The following EPS15L1 variants were observed in gnomAD, a reference collection of about 807,000 sequenced individuals.
EPS15L1 encodes epidermal growth factor receptor pathway substrate 15 like 1.
In EPS15L1, 43 loss-of-function variants were observed where a neutral mutation model predicts 117.1. The observed-to-expected ratio is 0.37, with a 90% CI of 0.29 to 0.47. EPS15L1 has a LOEUF of 0.47. Among genes scored for constraint, EPS15L1 ranks in the 20% least tolerant of loss-of-function variants. EPS15L1 has a pLI of 0.99. For missense variants in EPS15L1, 981 were observed against 1,164.0 expected (o/e 0.84, Z 2.29); for synonymous variants, 459 against 470.5 (o/e 0.98, Z 0.32).
Position 16,355,674 on chromosome 19 carries a change from G to T in EPS15L1, c.*31C>A, listed in dbSNP as rs564741577. On this transcript the variant is annotated 3_prime_UTR_variant, in exon 24 of 24. Coordinates refer to ENST00000455140, the MANE Select transcript of EPS15L1 (RefSeq NM_001258374.3). Reference sequence around the variant, plus strand: ...ACTGCCCCCTCTCTGGAACCCGCCCGTGCCCTGTCCCGCCTACACACGGCC... The same window carrying T: ...ACTGCCCCCTCTCTGGAACCCGCCCTTGCCCTGTCCCGCCTACACACGGCC... 2.6e-6 allele frequency: 4 copies of T among 1,530,038 alleles called. No homozygotes were observed. Among genetic ancestry groups the T allele is most frequent in the Non-Finnish European group, 3.5e-6 (4 of 1,142,318 alleles). The allele number at this position is 1,530,038 out of a possible 1,614,324, so 94.8% of individuals were successfully genotyped here. A position where few individuals can be genotyped will look rare whatever the true frequency, so the allele number is the denominator to read the frequency against.
intron 8 of EPS15L1, among the ~76,000 whole-genome samples, chr19:16,427,893 CA>C (rs1378022806): frequency 1.4e-5 from 2 of 139,734 alleles, no homozygotes; most frequent in African/African-American, 2.7e-5. Flanking sequence ...GACTCCGTGT[CA>C]AAAAAAAAGA....
chr19:16,399,061 G>A (rs1423256895), intron 16 of EPS15L1, among the ~76,000 whole-genome samples: 1 of 152,050 alleles, frequency 6.6e-6, no homozygotes, highest in Non-Finnish European at 1.5e-5. Flanking sequence ...CAATGGCAGA[G>A]AAGAGACTGA....
chr19:16,391,709 T>G (rs2092476942), intron 19 of EPS15L1, among the ~76,000 whole-genome samples: 1 of 151,676 alleles, frequency 6.6e-6, no homozygotes, highest in African/African-American at 2.4e-5. Context: ...ACCCGGTGTC[T>G]GCCACGCCCG....
At chr19:16,397,386 G>A (rs1241870654) in intron 16 of EPS15L1, among the ~76,000 whole-genome samples, 2 of 152,124 alleles carry the variant, frequency 1.3e-5, no homozygotes, top group Admixed American at 1.3e-4. Flanking sequence ...CACCGCGCCC[G>A]GCTGTTTGTC....
intron 1 of EPS15L1, 91 bp from the exon 2 acceptor site, chr19:16,442,310 T>C: frequency 1.1e-6 from 1 of 909,668 alleles, no homozygotes; most frequent in South Asian, 1.4e-5. Context: ...ATGACCAAAA[T>C]ATATGATGAT....
intron 1 of EPS15L1, among the ~76,000 whole-genome samples, chr19:16,455,708 G>A (rs2093188573): frequency 6.6e-6 from 1 of 152,204 alleles, no homozygotes; most frequent in Non-Finnish European, 1.5e-5. Flanking sequence ...GCCTCTCTGT[G>A]CCTCAGCTTC....
At position 16,407,831 on chromosome 19, in the gene EPS15L1, G is replaced by A. The variant is rs142013211; in HGVS notation, c.1267-3082C>T. 9.2e-3 allele frequency among the ~76,000 whole-genome samples: 1,395 copies of A among 152,224 alleles called. 78 individuals are homozygous for A. The highest frequency in any genetic ancestry group is 0.079 in the Admixed American group (1,214 of 15,272). ...TGTCATTGCTCCGTCAGGCCACAGCGCAGCCAACCCCTGTGACGTGACAAC... is the reference window on the plus strand; with the variant it reads ...TGTCATTGCTCCGTCAGGCCACAGCACAGCCAACCCCTGTGACGTGACAAC... On this transcript the variant is annotated intron_variant, in intron 13 of 23. Transcript: ENST00000455140.
intron 22 of EPS15L1, among the ~76,000 whole-genome samples, chr19:16,375,736 A>T (rs2092287252): frequency 6.6e-6 from 1 of 152,252 alleles, no homozygotes; most frequent in Non-Finnish European, 1.5e-5. Flanking sequence ...AATCTGCTCT[A>T]AATCCACACA....
chr19:16,415,349 T>C (rs1359672631), intron 12 of EPS15L1, among the ~76,000 whole-genome samples: 2 of 152,192 alleles, frequency 1.3e-5, no homozygotes, highest in African/African-American at 4.8e-5. Flanking sequence ...GCAGTATGAA[T>C]GGACTAAGAC....
At chr19:16,434,291 G>A (rs1255286907) in intron 7 of EPS15L1, 74 bp downstream of exon 7, 1 of 1,550,834 alleles carries the variant, frequency 6.4e-7, no homozygotes, top group African/African-American at 1.4e-5. Flanking sequence ...AAGCACCATG[G>A]GGAAAGAGAA....
intron 23 of EPS15L1, 127 bp from the exon 24 acceptor site, chr19:16,355,978 A>G (rs946855903): frequency 4.2e-6 from 5 of 1,183,442 alleles, no homozygotes; most frequent in Non-Finnish European, 5.9e-6. Flanking sequence ...TCCGATGTGC[A>G]GGGGATAAGC....
intron 22 of EPS15L1, among the ~76,000 whole-genome samples, chr19:16,374,855 G>A (rs962088363): frequency 6.6e-6 from 1 of 152,204 alleles, no homozygotes; most frequent in African/African-American, 2.4e-5. Flanking sequence ...GTGTGTATGA[G>A]CACACACGCA....
chr19:16,375,472 G>GTA (rs2092283881), intron 22 of EPS15L1, among the ~76,000 whole-genome samples: 1 of 151,360 alleles, frequency 6.6e-6, no homozygotes, highest in African/African-American at 2.4e-5. Flanking sequence ...ATATATGTGT[G>GTA]TGTGTGTGTG....
chr19:16,414,703 T>A (rs543202887), intron 12 of EPS15L1, among the ~76,000 whole-genome samples: 2 of 150,680 alleles, frequency 1.3e-5, no homozygotes, highest in Non-Finnish European at 3.0e-5. Context: ...CTGGCCTTTT[T>A]TTGGTTTTGT....
intron 8 of EPS15L1, among the ~76,000 whole-genome samples, chr19:16,428,159 C>T (rs2092891243): frequency 6.7e-6 from 1 of 150,138 alleles, no homozygotes; most frequent in Non-Finnish European, 1.5e-5. Flanking sequence ...CAAGATTACA[C>T]CACTGCACTC....
intron 7 of EPS15L1, 47 bp downstream of exon 7, chr19:16,434,318 C>A (rs1249520421): frequency 6.2e-7 from 1 of 1,601,618 alleles, no homozygotes; most frequent in East Asian, 2.2e-5. Context: ...CGCCCACACA[C>A]AGCAGGGACA....
intron 12 of EPS15L1, among the ~76,000 whole-genome samples, chr19:16,414,235 A>G (rs941736249): frequency 1.7e-4 from 26 of 152,122 alleles, no homozygotes; most frequent in Non-Finnish European, 1.5e-5. Flanking sequence ...CTCAGAAAGG[A>G]AAAAGAGACC....
chr19:16,469,243 G>A (rs1055865753), intron 1 of EPS15L1, among the ~76,000 whole-genome samples: 1 of 152,104 alleles, frequency 6.6e-6, no homozygotes, highest in African/African-American at 2.4e-5. Flanking sequence ...CGCACAGAGA[G>A]ATAAGATGCA....
At chr19:16,431,725 A>G (rs554125594) in intron 7 of EPS15L1, among the ~76,000 whole-genome samples, 42 of 152,036 alleles carry the variant, frequency 2.8e-4, no homozygotes, top group African/African-American at 1.0e-3. Flanking sequence ...AGAAAGGATC[A>G]GTGTTTGAGG....
Sources: gnomAD v4.1 joint callset for allele counts (sites outside exome capture counted in the v4.1 genomes callset) on GRCh38, gnomAD v4.1.1 for gene constraint, MANE v1.5 for transcripts, NCBI Gene and HGNC (gene_info 2026-07-23, HGNC 2026-07-21) for gene names.